The following CYP7B1 variants were observed in gnomAD, a reference collection of about 807,000 sequenced individuals.
CYP7B1 encodes cytochrome P450 family 7 subfamily B member 1, also known as cytochrome P450 7B1.
In CYP7B1, 29 loss-of-function variants were observed where a neutral mutation model predicts 42.7. The observed-to-expected ratio is 0.68, with a 90% CI of 0.51 to 0.93. The LOEUF (loss-of-function observed/expected upper bound fraction) is 0.93, where lower values mean the gene tolerates loss of function less well. Ranked by LOEUF, CYP7B1 falls within the 40% of genes least tolerant of loss-of-function variation. The probability of loss-of-function intolerance (pLI) is 0.00; values close to 1 mark genes in which losing one functional copy is unlikely to be tolerated. For synonymous variants in CYP7B1, 235 were observed against 218.2 expected (o/e 1.08, Z -0.68); for missense variants, 655 against 600.5 (o/e 1.09, Z -0.95).
At chr8:64,710,172 G>T (rs1279418763) in intron 1 of CYP7B1, among the ~76,000 whole-genome samples, 2 of 152,122 alleles carry the variant, frequency 1.3e-5, no homozygotes, top group Non-Finnish European at 2.9e-5. Context: ...GTTGTTGCCA[G>T]CCAAGTCTTC....
chr8:64,740,383 C>T (rs1807550297), intron 1 of CYP7B1, among the ~76,000 whole-genome samples: 2 of 151,626 alleles, frequency 1.3e-5, no homozygotes, highest in Admixed American at 1.3e-4. Context: ...TATGATATAA[C>T]TGCATAAATT....
intron 1 of CYP7B1, among the ~76,000 whole-genome samples, chr8:64,735,264 T>C (rs1033367336): frequency 6.6e-6 from 1 of 152,200 alleles, no homozygotes; most frequent in African/African-American, 2.4e-5. Context: ...CGCTTTGGCA[T>C]AAGAATTATT....
chr8:64,698,447 G>A (rs1806865060), intron 1 of CYP7B1, among the ~76,000 whole-genome samples: 3 of 152,078 alleles, frequency 2.0e-5, no homozygotes, highest in Admixed American at 2.0e-4. Context: ...AATTCACCAC[G>A]CGACCCTGCC....
chr8:64,723,441 G>C (rs1807275685), intron 1 of CYP7B1, among the ~76,000 whole-genome samples: 1 of 152,168 alleles, frequency 6.6e-6, no homozygotes, highest in African/African-American at 2.4e-5. Context: ...TGAATTTTAA[G>C]TAACCCAGAA....
chr8:64,750,741 C>A (rs1197766185), intron 1 of CYP7B1, among the ~76,000 whole-genome samples: 1 of 152,140 alleles, frequency 6.6e-6, no homozygotes, highest in Non-Finnish European at 1.5e-5. Context: ...CTTGCTTCTC[C>A]CTCTACCCTG....
chr8:64,627,857 C>A (rs1192921803), intron 1 of CYP7B1, among the ~76,000 whole-genome samples: 2 of 152,180 alleles, frequency 1.3e-5, no homozygotes, highest in Non-Finnish European at 2.9e-5. Context: ...TAACAGAAAT[C>A]TGTCTTCATC....
intron 1 of CYP7B1, among the ~76,000 whole-genome samples, chr8:64,654,834 A>C (rs2129631277): frequency 6.6e-6 from 1 of 152,306 alleles, no homozygotes; most frequent in Non-Finnish European, 1.5e-5. Flanking sequence ...ACATAGACCA[A>C]TGGGACAGAA....
chr8:64,681,627 G>C (rs2129631952), intron 1 of CYP7B1, among the ~76,000 whole-genome samples: 1 of 152,254 alleles, frequency 6.6e-6, no homozygotes, highest in Non-Finnish European at 1.5e-5. Context: ...CTGTAAAAAG[G>C]CCTGCACAGT....
chr8:64,708,910 G>C (rs59901851), intron 1 of CYP7B1, among the ~76,000 whole-genome samples: 5,822 of 152,258 alleles, frequency 0.038, 374 homozygotes, highest in African/African-American at 0.13. Context: ...GTATCTAGAT[G>C]AAAGTACTTT....
intron 1 of CYP7B1, among the ~76,000 whole-genome samples, chr8:64,629,355 A>G (rs1585817453): frequency 2.0e-5 from 3 of 152,128 alleles, no homozygotes; most frequent in African/African-American, 7.2e-5. Flanking sequence ...ATAACCTCCT[A>G]AGTAGGTGGT....
At chr8:64,795,257 A>G (rs989387992) in intron 1 of CYP7B1, among the ~76,000 whole-genome samples, 2 of 152,356 alleles carry the variant, frequency 1.3e-5, no homozygotes, top group Admixed American at 6.5e-5. Flanking sequence ...ATTTATATGA[A>G]GTTTGAGAAT....
At chr8:64,742,082 G>C (rs1032176737) in intron 1 of CYP7B1, among the ~76,000 whole-genome samples, 1 of 152,054 alleles carries the variant, frequency 6.6e-6, no homozygotes. Flanking sequence ...CTATGATTAT[G>C]AAAAATAGAA....
Position 64,771,047 on chromosome 8 carries a change from C to CTTTTTTTTTTTTTTT in CYP7B1, c.122+27404_122+27418dup, listed in dbSNP as rs757503820. Among the ~76,000 whole-genome samples, 64 of 42,504 alleles carry CTTTTTTTTTTTTTTT rather than the reference C, an allele frequency of 1.5e-3. 25 individuals carry two copies. Among genetic ancestry groups the CTTTTTTTTTTTTTTT allele is most frequent in the Non-Finnish European group, 2.4e-3 (55 of 23,198 alleles). The allele number at this position is 42,504 out of a possible 152,430, so 27.9% of individuals were successfully genotyped here. On this transcript the variant is annotated intron_variant, in intron 1 of 5. Transcript: ENST00000310193. ...AATCTCAAGAGTGGGATATCAGCATCTTTTTTTTTTTTTTTTTTTTTTTTT... is the reference window on the plus strand; with the variant it reads ...AATCTCAAGAGTGGGATATCAGCATCTTTTTTTTTTTTTTTTTTTTTTTTTTTTTTTTTTTTTTTT...
intron 1 of CYP7B1, among the ~76,000 whole-genome samples, chr8:64,647,025 T>G (rs1191321269): frequency 1.3e-5 from 2 of 152,214 alleles, no homozygotes; most frequent in Non-Finnish European, 2.9e-5. Context: ...CGCTTTTAAT[T>G]TAAAGTGAGA....
At chr8:64,665,559 G>T (rs1175573258) in intron 1 of CYP7B1, among the ~76,000 whole-genome samples, 5 of 52,040 alleles carry the variant, frequency 9.6e-5, no homozygotes, top group South Asian at 1.0e-3. Flanking sequence ...TTTTTTGGTG[G>T]TTTTTTTTTT....
chr8:64,617,419 T>TC (rs1805464908), intron 2 of CYP7B1, among the ~76,000 whole-genome samples: 1 of 152,136 alleles, frequency 6.6e-6, no homozygotes, highest in Admixed American at 6.5e-5. Context: ...CTGAAGAAAG[T>TC]CAAGAGATGT....
chr8:64,636,346 T>C (rs964687108), intron 1 of CYP7B1, among the ~76,000 whole-genome samples: 1 of 152,226 alleles, frequency 6.6e-6, no homozygotes, highest in African/African-American at 2.4e-5. Flanking sequence ...GTAAAATGAA[T>C]ACCCTATGGT....
intron 1 of CYP7B1, among the ~76,000 whole-genome samples, chr8:64,776,036 T>C (rs1240658330): frequency 6.6e-6 from 1 of 152,192 alleles, no homozygotes; most frequent in Non-Finnish European, 1.5e-5. Context: ...ATAAACAGCA[T>C]GGTCCTACTT....
intron 1 of CYP7B1, among the ~76,000 whole-genome samples, chr8:64,797,752 A>G (rs1804726633): frequency 1.3e-5 from 2 of 152,368 alleles, no homozygotes; most frequent in South Asian, 4.1e-4. Context: ...ACACCAGAGC[A>G]GTATGAAAAT....
Sources: gnomAD v4.1 joint callset for allele counts (sites outside exome capture counted in the v4.1 genomes callset) on GRCh38, gnomAD v4.1.1 for gene constraint, MANE v1.5 for transcripts, NCBI Gene and HGNC (gene_info 2026-07-23, HGNC 2026-07-21) for gene names.